The following SAMD5 variants were observed in gnomAD, a reference collection of about 807,000 sequenced individuals.
The protein encoded by SAMD5 is sterile alpha motif domain-containing protein 5.
A neutral mutation model predicts 11.3 loss-of-function variants in SAMD5; 13 were observed. That is an observed-to-expected ratio of 1.15 (90% CI 0.75 to 1.83). The LOEUF is 1.83. Ranked by LOEUF, SAMD5 falls within the 40% of genes most tolerant of loss-of-function variation. The pLI is 0.00. For missense variants in SAMD5, 255 were observed against 239.1 expected (o/e 1.07, Z -0.44); for synonymous variants, 129 against 111.3 (o/e 1.16, Z -1.00).
chr6:147,896,247 G>A, the SAMD5 span, among the ~76,000 whole-genome samples: 1 of 152,138 alleles, frequency 6.6e-6, no homozygotes, highest in Non-Finnish European at 1.5e-5. Flanking sequence ...TGGGTGTGGT[G>A]TGTCAGGGAT....
At chr6:147,920,683 A>G in the SAMD5 span, among the ~76,000 whole-genome samples, 2 of 152,190 alleles carry the variant, frequency 1.3e-5, no homozygotes, top group Non-Finnish European at 2.9e-5. Context: ...CCATCCATCC[A>G]AGGAGTTGAT....
At chr6:147,604,410 C>T (rs942867192) in intron 1 of SAMD5, among the ~76,000 whole-genome samples, 1 of 152,136 alleles carries the variant, frequency 6.6e-6, no homozygotes, top group Non-Finnish European at 1.5e-5. Context: ...CCCTTTCCCC[C>T]TACCACATAA....
At chr6:147,922,436 T>C in the SAMD5 span, among the ~76,000 whole-genome samples, 1 of 152,202 alleles carries the variant, frequency 6.6e-6, no homozygotes, top group Non-Finnish European at 1.5e-5. Context: ...ATGTGGGTTG[T>C]TAGGAAAAAT....
At chr6:147,544,620 G>A (rs1036336759) in intron 1 of SAMD5, among the ~76,000 whole-genome samples, 2 of 152,140 alleles carry the variant, frequency 1.3e-5, no homozygotes, top group Non-Finnish European at 2.9e-5. Context: ...TGCTGACATT[G>A]CAGGGTCTGT....
the SAMD5 span, among the ~76,000 whole-genome samples, chr6:147,929,028 G>C: frequency 1.3e-5 from 2 of 150,980 alleles, no homozygotes; most frequent in Non-Finnish European, 3.0e-5. Context: ...GAGTACATTT[G>C]TGGTGATTTT....
chr6:147,669,635 T>G (rs1246392358), intron 1 of SAMD5, among the ~76,000 whole-genome samples: 1 of 151,920 alleles, frequency 6.6e-6, no homozygotes, highest in African/African-American at 2.4e-5. Flanking sequence ...TTCACCATGT[T>G]GGCCACACTT....
At chr6:147,643,782 AAGG>A (rs1562341130) in intron 1 of SAMD5, among the ~76,000 whole-genome samples, 2 of 138,846 alleles carry the variant, frequency 1.4e-5, no homozygotes, top group Non-Finnish European at 3.2e-5. Context: ...GGAAGGAAGG[AAGG>A]AAGGAAGGAA....
the SAMD5 span, among the ~76,000 whole-genome samples, chr6:147,793,671 TCTTA>T: frequency 6.6e-6 from 1 of 152,190 alleles, no homozygotes; most frequent in Admixed American, 6.5e-5. Context: ...GCTGTTTTCA[TCTTA>T]CTTCTTACCC....
chr6:147,878,589 A>T, the SAMD5 span, among the ~76,000 whole-genome samples: 1 of 146,774 alleles, frequency 6.8e-6, no homozygotes, highest in Non-Finnish European at 1.5e-5. Flanking sequence ...CTATATAGAT[A>T]TATATACATA....
chr6:147,814,598 C>A, the SAMD5 span, among the ~76,000 whole-genome samples: 5 of 152,152 alleles, frequency 3.3e-5, no homozygotes, highest in African/African-American at 4.8e-5. Context: ...TCCAGAGCAC[C>A]ATTCAAAGCA....
the SAMD5 span, among the ~76,000 whole-genome samples, chr6:147,832,434 T>G: frequency 6.6e-6 from 1 of 152,134 alleles, no homozygotes; most frequent in Non-Finnish European, 1.5e-5. Flanking sequence ...CTGACAAGAG[T>G]GCATTTAGGA....
chr6:147,649,676 A>T (rs1039084835), intron 1 of SAMD5, among the ~76,000 whole-genome samples: 2 of 151,944 alleles, frequency 1.3e-5, no homozygotes, highest in Non-Finnish European at 2.9e-5. Context: ...CTGTAGTCCT[A>T]CCTACTCTGG....
intron 1 of SAMD5, among the ~76,000 whole-genome samples, chr6:147,527,060 C>T (rs932569262): frequency 2.6e-5 from 4 of 152,230 alleles, no homozygotes; most frequent in South Asian, 2.1e-4. Flanking sequence ...CCCACCTTAT[C>T]CTCCAGCTTT....
intron 1 of SAMD5, among the ~76,000 whole-genome samples, chr6:147,514,003 G>A (rs571518612): frequency 2.0e-5 from 3 of 152,160 alleles, no homozygotes; most frequent in African/African-American, 4.8e-5. Flanking sequence ...GGTTACAGCC[G>A]GAGGAGGAAG....
intron 1 of SAMD5, among the ~76,000 whole-genome samples, chr6:147,628,676 G>A (rs1257945019): frequency 6.6e-6 from 1 of 152,044 alleles, no homozygotes; most frequent in African/African-American, 2.4e-5. Context: ...AAAAGATTAT[G>A]AGGAAATATG....
chr6:147,887,432 G>A, the SAMD5 span, among the ~76,000 whole-genome samples: 1 of 152,108 alleles, frequency 6.6e-6, no homozygotes, highest in Non-Finnish European at 1.5e-5. Context: ...CTCTTGTTTT[G>A]TCTAGCTTCT....
At chr6:147,636,471 G>A (rs761253229) in intron 1 of SAMD5, among the ~76,000 whole-genome samples, 4 of 152,122 alleles carry the variant, frequency 2.6e-5, no homozygotes, top group Admixed American at 6.5e-5. Context: ...TAATCAAGAC[G>A]CATGCATGAA....
At chr6:147,655,906 T>C (rs1240578750) in intron 1 of SAMD5, among the ~76,000 whole-genome samples, 2 of 152,184 alleles carry the variant, frequency 1.3e-5, no homozygotes, top group Non-Finnish European at 2.9e-5. Context: ...TTTCTAACAT[T>C]AGAAGCCACA....
chr6:147,838,539 C>T, the SAMD5 span, among the ~76,000 whole-genome samples: 19 of 145,436 alleles, frequency 1.3e-4, no homozygotes, highest in Non-Finnish European at 2.4e-4. Context: ...CTGCCCCCCC[C>T]CCGTAGTTAT....
Sources: allele counts gnomAD v4.1 joint callset (sites outside exome capture counted in the v4.1 genomes callset), GRCh38; gene constraint gnomAD v4.1.1; transcripts MANE v1.5; gene names NCBI Gene and HGNC (gene_info 2026-07-23, HGNC 2026-07-21).